LRMDA: variants seen among roughly 807,000 people sequenced by gnomAD.
The protein encoded by LRMDA is leucine rich melanocyte differentiation associated.
Under a neutral mutation model 29.8 loss-of-function variants are expected in LRMDA, and 18 were observed. The observed-to-expected ratio is 0.60, with a 90% CI of 0.42 to 0.90. LRMDA has a LOEUF of 0.90. LRMDA is among the 40% of genes least tolerant of loss of function. The pLI is 0.00. For synonymous variants in LRMDA, 125 were observed against 109.4 expected (o/e 1.14, Z -0.89); for missense variants, 273 against 273.9 (o/e 1.00, Z 0.02).
At chr10:76,491,643 C>A (rs1182725382) in intron 6 of LRMDA, among the ~76,000 whole-genome samples, 1 of 151,806 alleles carries the variant, frequency 6.6e-6, no homozygotes, top group Non-Finnish European at 1.5e-5. Flanking sequence ...TATTAAATGT[C>A]TTGAGGTAGT....
At chr10:75,533,429 C>T (rs139492782) in intron 2 of LRMDA, among the ~76,000 whole-genome samples, 15 of 152,238 alleles carry the variant, frequency 9.9e-5, no homozygotes, top group African/African-American at 2.4e-4. Flanking sequence ...GGGAGAGTTT[C>T]GTGCAGCAGA....
At chr10:76,332,515 C>A (rs962154227) in intron 6 of LRMDA, among the ~76,000 whole-genome samples, 3 of 152,142 alleles carry the variant, frequency 2.0e-5, no homozygotes, top group Non-Finnish European at 2.9e-5. Context: ...TTTTCCCCTG[C>A]CCCTCAAATA....
chr10:76,361,998 A>C (rs1270909887), intron 6 of LRMDA, among the ~76,000 whole-genome samples: 1 of 152,188 alleles, frequency 6.6e-6, no homozygotes, highest in Non-Finnish European at 1.5e-5. Context: ...AACATTATTT[A>C]AAGCAGTACT....
At chr10:75,811,775 C>A (rs1307765966) in intron 2 of LRMDA, among the ~76,000 whole-genome samples, 1 of 152,202 alleles carries the variant, frequency 6.6e-6, no homozygotes, top group Non-Finnish European at 1.5e-5. Flanking sequence ...GGGCCTGGAA[C>A]ACACGGCAAA....
At chr10:76,073,648 C>T (rs1848910241) in intron 5 of LRMDA, among the ~76,000 whole-genome samples, 1 of 152,108 alleles carries the variant, frequency 6.6e-6, no homozygotes, top group East Asian at 1.9e-4. Flanking sequence ...GGTGTGGGCA[C>T]ACAAGCGGTT....
At chr10:75,977,406 A>G (rs1362358452) in intron 2 of LRMDA, among the ~76,000 whole-genome samples, 1 of 152,228 alleles carries the variant, frequency 6.6e-6, no homozygotes, top group Non-Finnish European at 1.5e-5. Context: ...AGTTAACTCC[A>G]TGGTGACTGT....
At chr10:76,067,652 T>C (rs1848806385) in intron 5 of LRMDA, among the ~76,000 whole-genome samples, 1 of 152,158 alleles carries the variant, frequency 6.6e-6, no homozygotes, top group African/African-American at 2.4e-5. Flanking sequence ...CATGCTTTTG[T>C]CCATCCTCCA....
In LRMDA at chr10:76,308,800, A is replaced by G. The variant is rs78270311; in HGVS notation, c.517-15601A>G. Among the ~76,000 whole-genome samples the G allele has an allele frequency of 7.5e-3, 1,144 of 152,338 alleles. 14 individuals carry two copies. The highest frequency in any genetic ancestry group is 0.026 in the African/African-American group (1,080 of 41,580). On this transcript the variant is annotated intron_variant, in intron 5 of 6. Transcript: ENST00000611255. ...CAGGAAGAAAAGAAATATAATTTCTAAGTCACTTGGCCTGGTGACATATAT... is the reference window on the plus strand; with the variant it reads ...CAGGAAGAAAAGAAATATAATTTCTGAGTCACTTGGCCTGGTGACATATAT...
At chr10:75,777,588 C>G (rs980658691) in intron 2 of LRMDA, among the ~76,000 whole-genome samples, 1 of 152,228 alleles carries the variant, frequency 6.6e-6, no homozygotes, top group East Asian at 1.9e-4. Flanking sequence ...GGGTACCCTC[C>G]TGACTGGGGA....
chr10:75,496,193 A>C (rs1326569349), intron 2 of LRMDA, among the ~76,000 whole-genome samples: 1 of 152,236 alleles, frequency 6.6e-6, no homozygotes, highest in Non-Finnish European at 1.5e-5. Context: ...ATTGTGGTAC[A>C]TGAAATTTTT....
chr10:75,915,151 A>T (rs111865646), intron 2 of LRMDA, among the ~76,000 whole-genome samples: 1,361 of 54,152 alleles, frequency 0.025, 30 homozygotes, highest in African/African-American at 0.1. Context: ...TTTTTTTTTG[A>T]GACAGAGTAT....
chr10:76,201,516 G>T (rs574775299), intron 5 of LRMDA, among the ~76,000 whole-genome samples: 1 of 152,356 alleles, frequency 6.6e-6, no homozygotes, highest in South Asian at 2.1e-4. Context: ...CCGTTGTCCA[G>T]CTTGTTGGGT....
intron 2 of LRMDA, among the ~76,000 whole-genome samples, chr10:75,973,259 G>C (rs12241231): frequency 6.6e-6 from 1 of 152,222 alleles, no homozygotes; most frequent in East Asian, 1.9e-4. Flanking sequence ...GCAAGTAAGT[G>C]ACAGAGCTGG....
chr10:76,481,882 C>T (rs1369011821), intron 6 of LRMDA, among the ~76,000 whole-genome samples: 1 of 151,892 alleles, frequency 6.6e-6, no homozygotes, highest in Non-Finnish European at 1.5e-5. Context: ...TGACCCCAAA[C>T]ATTATATACC....
In LRMDA at chr10:76,044,263, C is replaced by T. The variant is rs529259652; in HGVS notation, c.259-2901C>T. 1.3e-3 allele frequency among the ~76,000 whole-genome samples: 202 copies of T among 152,148 alleles called. 1 individual carries two copies. Among genetic ancestry groups the T allele is most frequent in the South Asian group, 7.9e-3 (38 of 4,820 alleles). Reference sequence around the variant, plus strand: ...AGAAACCAAGCCTGGGACTGAGGCCCGTGCAGGTCCGGGTCTAGGTCCAGG... The same window carrying T: ...AGAAACCAAGCCTGGGACTGAGGCCTGTGCAGGTCCGGGTCTAGGTCCAGG... On this transcript the variant is annotated intron_variant, in intron 3 of 6. Transcript: ENST00000611255.
chr10:75,782,576 C>T (rs1001592409), intron 2 of LRMDA, among the ~76,000 whole-genome samples: 8 of 152,104 alleles, frequency 5.3e-5, no homozygotes, highest in Non-Finnish European at 1.0e-4. Context: ...AGCCTGAGGT[C>T]GGCCAGGGTG....
chr10:75,520,577 C>T (rs1302745232), intron 2 of LRMDA, among the ~76,000 whole-genome samples: 2 of 152,154 alleles, frequency 1.3e-5, no homozygotes, highest in African/African-American at 2.4e-5. Context: ...GTTAGCCATT[C>T]GTCTAGCCAT....
At chr10:76,449,466 C>T (rs1212536826) in intron 6 of LRMDA, among the ~76,000 whole-genome samples, 6 of 151,776 alleles carry the variant, frequency 4.0e-5, no homozygotes, top group African/African-American at 7.2e-5. Flanking sequence ...AAGACTTTCT[C>T]GTATACTATT....
At chr10:76,015,216 A>G (rs561599156) in intron 2 of LRMDA, among the ~76,000 whole-genome samples, 1 of 152,340 alleles carries the variant, frequency 6.6e-6, no homozygotes, top group East Asian at 1.9e-4. Context: ...GCATATAACA[A>G]CAAACATTAT....
Sources: allele counts gnomAD v4.1 joint callset (sites outside exome capture counted in the v4.1 genomes callset), GRCh38; gene constraint gnomAD v4.1.1; transcripts MANE v1.5; gene names NCBI Gene and HGNC (gene_info 2026-07-23, HGNC 2026-07-21).